The following C9orf85 variants were observed in gnomAD, a reference collection of about 807,000 sequenced individuals.
C9orf85 encodes chromosome 9 open reading frame 85.
In C9orf85, 16 loss-of-function variants were observed where a neutral mutation model predicts 14.9. That is an observed-to-expected ratio of 1.08 (90% CI 0.73 to 1.63). C9orf85 has a LOEUF of 1.63. C9orf85 is among the 40% of genes most tolerant of loss of function. The pLI is 0.00. For missense variants in C9orf85, 172 were observed against 186.1 expected (o/e 0.92, Z 0.44); for synonymous variants, 45 against 56.8 (o/e 0.79, Z 0.93).
chr9:71,959,659 C>G (rs1462698169), intron 2 of C9orf85, among the ~76,000 whole-genome samples: 2 of 152,092 alleles, frequency 1.3e-5, no homozygotes, highest in African/African-American at 4.8e-5. Context: ...TAGAGTTTTC[C>G]TTTATAGAAC....
At chr9:71,950,686 T>C (rs1822222606) in intron 2 of C9orf85, among the ~76,000 whole-genome samples, 1 of 152,208 alleles carries the variant, frequency 6.6e-6, no homozygotes, top group Non-Finnish European at 1.5e-5. Context: ...ATATCTTTTG[T>C]ATAAAGATTT....
intron 3 of C9orf85, among the ~76,000 whole-genome samples, chr9:71,982,273 A>G (rs1440775433): frequency 6.6e-6 from 1 of 151,836 alleles, no homozygotes; most frequent in Non-Finnish European, 1.5e-5. Flanking sequence ...GTATGGACAT[A>G]CTAATTTTGT....
intron 2 of C9orf85, among the ~76,000 whole-genome samples, chr9:71,958,431 T>C (rs561792137): frequency 9.9e-5 from 15 of 151,436 alleles, no homozygotes; most frequent in African/African-American, 3.1e-4. Context: ...ACCAGCTAAT[T>C]TTGTATTTTT....
intron 2 of C9orf85, among the ~76,000 whole-genome samples, chr9:71,960,636 GATCT>G (rs1822488016): frequency 6.6e-6 from 1 of 152,120 alleles, no homozygotes; most frequent in Non-Finnish European, 1.5e-5. Flanking sequence ...GCAGTGGGGC[GATCT>G]CAGCTTACTG....
chr9:71,966,794 C>T (rs1822704255), intron 2 of C9orf85, among the ~76,000 whole-genome samples: 1 of 152,210 alleles, frequency 6.6e-6, no homozygotes, highest in African/African-American at 2.4e-5. Context: ...GATGAAACCT[C>T]ACAGGTGGTA....
At chr9:71,972,377 A>T (rs530591873) in intron 3 of C9orf85, among the ~76,000 whole-genome samples, 14 of 152,252 alleles carry the variant, frequency 9.2e-5, no homozygotes, top group African/African-American at 3.1e-4. Context: ...CTCCTGCCTC[A>T]GCCTCCCAAG....
chr9:71,952,244 T>G (rs1477216013), intron 2 of C9orf85, among the ~76,000 whole-genome samples: 1 of 152,240 alleles, frequency 6.6e-6, no homozygotes, highest in Non-Finnish European at 1.5e-5. Context: ...CCTCTTCACC[T>G]GGACCTAATG....
chr9:71,947,964 T>C (rs1417235765), intron 2 of C9orf85, among the ~76,000 whole-genome samples: 1 of 152,192 alleles, frequency 6.6e-6, no homozygotes, highest in Non-Finnish European at 1.5e-5. Flanking sequence ...TGTGTAATTC[T>C]GGGGTTCTCT....
At chr9:71,958,394 C>A (rs1358893283) in intron 2 of C9orf85, among the ~76,000 whole-genome samples, 1 of 151,406 alleles carries the variant, frequency 6.6e-6, no homozygotes, top group Non-Finnish European at 1.5e-5. Context: ...TCCTGAGTAG[C>A]TGGGAATGCA....
At chr9:71,920,590 C>T (rs755853593) in intron 1 of C9orf85, among the ~76,000 whole-genome samples, 1 of 152,088 alleles carries the variant, frequency 6.6e-6, no homozygotes, top group African/African-American at 2.4e-5. Context: ...TTTTAAGCCT[C>T]AGGACTCCAC....
chr9:71,970,700 G>T (rs1397323070), intron 2 of C9orf85, among the ~76,000 whole-genome samples: 1 of 151,984 alleles, frequency 6.6e-6, no homozygotes, highest in Non-Finnish European at 1.5e-5. Flanking sequence ...TAGAATTTCT[G>T]TATGAACTTT....
downstream of C9orf85, among the ~76,000 whole-genome samples, chr9:71,975,699 G>A (rs78147913): frequency 0.029 from 4,454 of 152,152 alleles, 236 homozygotes; most frequent in African/African-American, 0.1. Flanking sequence ...ACGCCTGGTG[G>A]CGCATCCCTG....
intron 1 of C9orf85, among the ~76,000 whole-genome samples, chr9:71,945,871 A>G (rs1822074827): frequency 1.3e-5 from 2 of 152,084 alleles, no homozygotes; most frequent in Non-Finnish European, 2.9e-5. Context: ...ATAGGCAAAG[A>G]CCAAGCTTTC....
chr9:71,979,651 G>A (rs1464039402), intron 3 of C9orf85, among the ~76,000 whole-genome samples: 1 of 152,190 alleles, frequency 6.6e-6, no homozygotes, highest in Non-Finnish European at 1.5e-5. Flanking sequence ...CCATAAAGGT[G>A]TGAGTGCAAT....
chr9:71,969,219 G>A (rs915045440), intron 2 of C9orf85, among the ~76,000 whole-genome samples: 3 of 152,164 alleles, frequency 2.0e-5, no homozygotes, highest in African/African-American at 7.2e-5. Flanking sequence ...CGCAATCTTG[G>A]CTCACTGCAA....
At chr9:71,926,917 G>GA (rs984842344) in intron 1 of C9orf85, among the ~76,000 whole-genome samples, 15 of 145,602 alleles carry the variant, frequency 1.0e-4, no homozygotes, top group South Asian at 6.6e-4. Flanking sequence ...ATGATAAAAA[G>GA]AAAAAAAAAA....
chr9:71,966,170 T>C (rs1822684473), intron 2 of C9orf85, among the ~76,000 whole-genome samples: 1 of 152,218 alleles, frequency 6.6e-6, no homozygotes, highest in African/African-American at 2.4e-5. Flanking sequence ...ATTTCTGTAC[T>C]GCACTTTACT....
chr9:71,949,478 C>CA (rs202086699), intron 2 of C9orf85, among the ~76,000 whole-genome samples: 7 of 150,080 alleles, frequency 4.7e-5, no homozygotes, highest in East Asian at 3.9e-4. Flanking sequence ...ACTCCATCTC[C>CA]AAAAAAAAAG....
chr9:71,916,690 C>A lies in C9orf85; in HGVS notation c.102+4854C>A, dbSNP rs76304113. 6.3e-4 allele frequency among the ~76,000 whole-genome samples: 96 copies of A among 152,232 alleles called. 1 individual carries two copies. The East Asian group carries it at 0.016, about 25-fold the overall frequency. On this transcript the variant is annotated intron_variant, in intron 1 of 3. Coordinates refer to ENST00000334731, the MANE Select transcript of C9orf85 (RefSeq NM_182505.5). ...AGTTGAGTATTATTTATCTGAAATGCTTAGGACCAGAGTGTTCTGGATTTC... is the reference window on the plus strand; with the variant it reads ...AGTTGAGTATTATTTATCTGAAATGATTAGGACCAGAGTGTTCTGGATTTC...
Sources: allele counts gnomAD v4.1 joint callset (sites outside exome capture counted in the v4.1 genomes callset), GRCh38; gene constraint gnomAD v4.1.1; transcripts MANE v1.5; gene names NCBI Gene and HGNC (gene_info 2026-07-23, HGNC 2026-07-21).